ACSF3: variants seen among roughly 807,000 people sequenced by gnomAD.
ACSF3 encodes malonate--CoA ligase ACSF3, mitochondrial.
Under a neutral mutation model 53.2 loss-of-function variants are expected in ACSF3, and 78 were observed. That is an observed-to-expected ratio of 1.47 (90% CI 1.22 to 1.77). ACSF3 has a LOEUF of 1.77. Ranked by LOEUF, ACSF3 falls within the 40% of genes most tolerant of loss-of-function variation. ACSF3 has a pLI of 0.00. For missense variants in ACSF3, 937 were observed against 771.1 expected, an observed-to-expected ratio of 1.22 and a Z score of -2.55; for synonymous variants, 414 against 333.1, an observed-to-expected ratio of 1.24 and a Z score of -2.65.
chr16:89,139,467 G>A (rs142640681), intron 8 of ACSF3, among the ~76,000 whole-genome samples: 56 of 152,138 alleles, frequency 3.7e-4, no homozygotes, highest in Non-Finnish European at 5.3e-4. Flanking sequence ...CTTGCTTGTC[G>A]GTTTGGCTGC....
At chr16:89,128,402 A>C (rs968890317) in intron 7 of ACSF3, among the ~76,000 whole-genome samples, 12 of 151,912 alleles carry the variant, frequency 7.9e-5, no homozygotes, top group Non-Finnish European at 1.5e-4. Flanking sequence ...CTGGGAGTAT[A>C]GGCATGCGCC....
In ACSF3 at chr16:89,154,550, G is replaced by A. The variant is rs1231702693; in HGVS notation, c.*343G>A. 3 of 394,468 alleles carry A rather than the reference G, an allele frequency of 7.6e-6. No homozygotes were observed. Among genetic ancestry groups the A allele is most frequent in the South Asian group, 4.9e-5 (3 of 60,938 alleles). The allele number at this position is 394,468 out of a possible 1,614,324, so 24.4% of individuals were successfully genotyped here. A position where few individuals can be genotyped will look rare whatever the true frequency, so the allele number is the denominator to read the frequency against. ...AGGCTCTCCAGGGCAGGTCCCAGAG[G>A]TTTCCCACAAAAAACAAAGACTCCA... On this transcript the variant is annotated 3_prime_UTR_variant, in exon 11 of 11. Transcript: ENST00000614302.
intron 5 of ACSF3, 74 bp downstream of exon 5, chr16:89,112,320 C>G (rs1267675296): frequency 6.4e-7 from 1 of 1,574,752 alleles, no homozygotes; most frequent in Non-Finnish European, 8.7e-7. Context: ...TCTAATAAAT[C>G]ACTCCTACTA....
At chr16:89,117,290 C>G (rs540522452) in intron 6 of ACSF3, among the ~76,000 whole-genome samples, 1 of 152,340 alleles carries the variant, frequency 6.6e-6, no homozygotes, top group Non-Finnish European at 1.5e-5. Flanking sequence ...ATATTTTGCA[C>G]TCACATACAA....
chr16:89,125,841 C>T (rs892678028), intron 7 of ACSF3, among the ~76,000 whole-genome samples: 1 of 152,250 alleles, frequency 6.6e-6, no homozygotes, highest in African/African-American at 2.4e-5. Context: ...GATCCGTGAA[C>T]ACGGTGTGTC....
At chr16:89,104,981 T>C (rs12447910) in intron 4 of ACSF3, among the ~76,000 whole-genome samples, 106,710 of 151,350 alleles carry the variant, frequency 0.71, 38,262 homozygotes, top group Admixed American at 0.78. Flanking sequence ...CTTGCGTGAT[T>C]AGCCGTCAGC....
intron 7 of ACSF3, among the ~76,000 whole-genome samples, chr16:89,123,168 C>T (rs551798464): frequency 6.6e-6 from 1 of 152,188 alleles, no homozygotes; most frequent in Admixed American, 6.5e-5. Flanking sequence ...CTGGCTCCAC[C>T]AGGGGCCAAG....
intron 7 of ACSF3, among the ~76,000 whole-genome samples, chr16:89,127,672 TC>T (rs1908423713): frequency 6.6e-6 from 1 of 152,174 alleles, no homozygotes; most frequent in Non-Finnish European, 1.5e-5. Context: ...TACCAACGTT[TC>T]TTTTTTGAAA....
chr16:89,132,418 C>T lies in ACSF3; in HGVS notation c.1240-718C>T, dbSNP rs533587920. 1.3e-3 allele frequency among the ~76,000 whole-genome samples: 204 copies of T among 152,360 alleles called. 5 individuals are homozygous for T. In the South Asian group the frequency reaches 0.04, roughly 30 times the overall value. The stretch of plus-strand genomic sequence containing the variant: ...CAGACCCACCGTGTCCAGGGCCTCC[C>T]GTGCCATCTGTTCCTGGTGCTGCAG... On this transcript the variant is annotated intron_variant, in intron 7 of 10. Transcript: ENST00000614302.
At chr16:89,097,719 C>T (rs1974787827) in intron 1 of ACSF3, among the ~76,000 whole-genome samples, 1 of 152,188 alleles carries the variant, frequency 6.6e-6, no homozygotes. Context: ...TCTATGGTAG[C>T]AGAGTCCAGG....
Position 89,156,003 on chromosome 16 carries a change from C to A in ACSF3, c.*1796C>A, listed in dbSNP as rs1248251213. ...GAAAGCCTGGAGCTCGTTGACCAGC[C>A]GGTTGACCAGAATACGGTGCTCCAA... On this transcript the variant is annotated 3_prime_UTR_variant, in exon 11 of 11. Coordinates refer to ENST00000614302, the MANE Select transcript of ACSF3 (RefSeq NM_001243279.3). Among the ~76,000 whole-genome samples, 2 of 152,186 alleles carry A rather than the reference C, an allele frequency of 1.3e-5. No homozygotes were observed. The highest frequency in any genetic ancestry group is 2.9e-5 in the Non-Finnish European group (2 of 68,046).
intron 7 of ACSF3, among the ~76,000 whole-genome samples, chr16:89,128,573 ATTT>A (rs1317719675): frequency 1.3e-5 from 2 of 152,052 alleles, no homozygotes; most frequent in Non-Finnish European, 2.9e-5. Flanking sequence ...ATTTTGATAT[ATTT>A]TTATTTTCAT....
chr16:89,114,248 A>C, intron 5 of ACSF3, 91 bp from the exon 6 acceptor site: 3 of 1,580,166 alleles, frequency 1.9e-6, no homozygotes, highest in South Asian at 2.2e-5. Context: ...TTTGCAAGCA[A>C]GGGCCGCCTC....
At chr16:89,103,221 C>T (rs1258161477) in intron 4 of ACSF3, among the ~76,000 whole-genome samples, 1 of 152,252 alleles carries the variant, frequency 6.6e-6, no homozygotes, top group Non-Finnish European at 1.5e-5. Flanking sequence ...GGTGACTGTA[C>T]AGGCCCTGCT....
chr16:89,102,816 C>A (rs991478446), intron 4 of ACSF3, 57 bp downstream of exon 4: 1 of 1,590,708 alleles, frequency 6.3e-7, no homozygotes, highest in East Asian at 2.2e-5. Context: ...TTTCCCCTGT[C>A]GGGGCCAGGG....
chr16:89,096,088 T>C (rs1974583557), intron 1 of ACSF3, among the ~76,000 whole-genome samples: 1 of 151,840 alleles, frequency 6.6e-6, no homozygotes, highest in South Asian at 2.1e-4. Flanking sequence ...GAGCCACTGT[T>C]TTCAGTGGTT....
At position 89,101,155 on chromosome 16, in the gene ACSF3, G is replaced by C. The variant is rs757199694; in HGVS notation, c.474G>C (p.Pro158=). 6.2e-7 allele frequency: 1 copy of C among 1,613,520 alleles called. No individual in the cohort carries two copies. The highest frequency in any genetic ancestry group is 1.1e-5 in the South Asian group (1 of 91,062). ...ASQEYLELLS[P]VVRKLGVPLL... is the part of the protein sequence containing the mutation. The stretch of plus-strand genomic sequence containing the variant: ...AGGAGTACCTGGAGCTCCTGAGCCC[G>C]GTGGTCAGGAAGCTGGGGGTCCCGC... The change falls in exon 3 of 11, where the codon CCG becomes CCC. Residue 158 remains proline (P), a synonymous_variant. Coordinates refer to ENST00000614302, the MANE Select transcript of ACSF3 (RefSeq NM_001243279.3).
At chr16:89,097,651 G>A (rs541526662) in intron 1 of ACSF3, among the ~76,000 whole-genome samples, 18 of 152,330 alleles carry the variant, frequency 1.2e-4, no homozygotes, top group African/African-American at 2.9e-4. Flanking sequence ...CCCACGTGCC[G>A]ATCTCGTGTC....
Position 89,104,077 on chromosome 16 carries a change from A to G in ACSF3, c.822+1318A>G, listed in dbSNP as rs144665513. Among the ~76,000 whole-genome samples, 1,315 of 152,296 alleles carry G rather than the reference A, an allele frequency of 8.6e-3. 20 individuals are homozygous for G. The highest frequency in any genetic ancestry group is 0.031 in the African/African-American group (1,274 of 41,562). On this transcript the variant is annotated intron_variant, in intron 4 of 10. Transcript: ENST00000614302. ...AGCTGACTGCAGGCAAGAGTCACTC[A>G]CCAGGCTGCAGAGGGCATGAGGGGC...
Sources: allele counts gnomAD v4.1 joint callset (sites outside exome capture counted in the v4.1 genomes callset), GRCh38; gene constraint gnomAD v4.1.1; transcripts MANE v1.5; gene names NCBI Gene and HGNC (gene_info 2026-07-23, HGNC 2026-07-21).